Variants in JMJD1C observed in about 807,000 individuals in gnomAD.
JMJD1C encodes the protein jumonji domain containing 1C.
JMJD1C carries 31 observed loss-of-function variants against 245.3 expected under a neutral mutation model. That is an observed-to-expected ratio of 0.13 (90% CI 0.09 to 0.17). The LOEUF is 0.17. Among genes scored for constraint, JMJD1C ranks in the 10% least tolerant of loss-of-function variants. The pLI is 1.00. For missense variants in JMJD1C, 2,691 were observed against 3,000.2 expected (o/e 0.90, Z 2.41); for synonymous variants, 1,057 against 1,017.4 (o/e 1.04, Z -0.74).
chr10:63,423,847 A>G (rs1950272557), intron 1 of JMJD1C, among the ~76,000 whole-genome samples: 1 of 152,182 alleles, frequency 6.6e-6, no homozygotes, highest in Non-Finnish European at 1.5e-5. Flanking sequence ...TTATAGTCAT[A>G]TTAGTAAGTT....
At chr10:63,417,164 A>G (rs1342532960) in intron 1 of JMJD1C, among the ~76,000 whole-genome samples, 1 of 152,212 alleles carries the variant, frequency 6.6e-6, no homozygotes, top group Non-Finnish European at 1.5e-5. Flanking sequence ...AATATTTCAC[A>G]GCCTACAACT....
chr10:63,449,051 A>ATT (rs1951876569), intron 1 of JMJD1C, among the ~76,000 whole-genome samples: 2 of 152,214 alleles, frequency 1.3e-5, no homozygotes, highest in African/African-American at 4.8e-5. Flanking sequence ...CAGGAGGCAG[A>ATT]GGCTGCAGTG....
intron 1 of JMJD1C, among the ~76,000 whole-genome samples, chr10:63,406,630 ATTT>A (rs1465235250): frequency 6.6e-6 from 1 of 151,674 alleles, no homozygotes; most frequent in Non-Finnish European, 1.5e-5. Context: ...CCAACACTAG[ATTT>A]TTTTTTAAGC....
At chr10:63,373,311 TAGAA>T (rs1946457944) in intron 2 of JMJD1C, among the ~76,000 whole-genome samples, 1 of 152,186 alleles carries the variant, frequency 6.6e-6, no homozygotes, top group African/African-American at 2.4e-5. Context: ...ACTGATATCC[TAGAA>T]AGAAAGAGGA....
At chr10:63,429,075 G>A (rs1170963970) in intron 1 of JMJD1C, among the ~76,000 whole-genome samples, 1 of 152,100 alleles carries the variant, frequency 6.6e-6, no homozygotes, top group Non-Finnish European at 1.5e-5. Context: ...CTACCTCCCG[G>A]GTTCAAGAGA....
intron 17 of JMJD1C, 27 bp from the exon 18 acceptor site, chr10:63,189,473 A>C (rs779329145): frequency 1.9e-6 from 3 of 1,566,790 alleles, no homozygotes; most frequent in African/African-American, 2.8e-5. Flanking sequence ...AAAACAAAAA[A>C]AACCTGTTTT....
intron 2 of JMJD1C, among the ~76,000 whole-genome samples, chr10:63,280,559 A>AT (rs1224569691): frequency 1.3e-5 from 2 of 152,148 alleles, no homozygotes; most frequent in Non-Finnish European, 2.9e-5. Flanking sequence ...TCAAAAAAAA[A>AT]AGATTCTGAA....
At chr10:63,202,433 T>C in intron 10 of JMJD1C, 1 of 985,468 alleles carries the variant, frequency 1.0e-6, no homozygotes. Context: ...TTGTGTTTTC[T>C]AATCATGCCC....
At chr10:63,498,745 C>A (rs372415306) in intron 1 of JMJD1C, among the ~76,000 whole-genome samples, 1 of 152,030 alleles carries the variant, frequency 6.6e-6, no homozygotes, top group African/African-American at 2.4e-5. Context: ...ATGAGATCTA[C>A]CTTCTTAACA....
intron 1 of JMJD1C, among the ~76,000 whole-genome samples, chr10:63,383,529 T>C (rs1032627974): frequency 1.3e-5 from 2 of 151,892 alleles, no homozygotes; most frequent in Non-Finnish European, 2.9e-5. Flanking sequence ...TAAGACCTTG[T>C]CTCTACAAAA....
Position 63,480,247 on chromosome 10 carries a change from A to C in JMJD1C, n.113+41491T>G, listed in dbSNP as rs77761710. ...TGACCTACAAAGCCCATCTTTTGCA[A>C]CCCTGTGCGGGTCTCCTAAATACAT... On this transcript the variant is annotated intron_variant and non_coding_transcript_variant, in intron 1 of 3. Coordinates refer to the JMJD1C transcript ENST00000633035. Among the ~76,000 whole-genome samples the C allele has an allele frequency of 8.4e-3, 1,275 of 152,108 alleles. 43 individuals carry two copies. Among genetic ancestry groups the C allele is most frequent in the East Asian group, 0.038 (196 of 5,174 alleles).
chr10:63,315,795 G>A (rs1180508827), intron 2 of JMJD1C, among the ~76,000 whole-genome samples: 1 of 146,766 alleles, frequency 6.8e-6, no homozygotes, highest in African/African-American at 2.6e-5. Context: ...ACCCAAGATT[G>A]CGCCACTGCA....
intron 1 of JMJD1C, among the ~76,000 whole-genome samples, chr10:63,394,925 A>G (rs1948369923): frequency 6.6e-6 from 1 of 152,150 alleles, no homozygotes; most frequent in Non-Finnish European, 1.5e-5. Context: ...AAAAAAATGA[A>G]AACAAGCCAC....
intron 18 of JMJD1C, among the ~76,000 whole-genome samples, chr10:63,187,496 G>A (rs1366322738): frequency 1.3e-5 from 2 of 152,054 alleles, no homozygotes; most frequent in Non-Finnish European, 2.9e-5. Context: ...GAAGTGCAGT[G>A]GCATGATCAT....
At chr10:63,488,958 G>A (rs182906170) in intron 1 of JMJD1C, among the ~76,000 whole-genome samples, 13 of 152,298 alleles carry the variant, frequency 8.5e-5, no homozygotes, top group Non-Finnish European at 1.2e-4. Context: ...CATATAGGAC[G>A]ATGGTCCCAT....
intron 2 of JMJD1C, among the ~76,000 whole-genome samples, chr10:63,305,512 C>CCTCTCTCT (rs71025151): frequency 6.9e-5 from 9 of 130,638 alleles, no homozygotes; most frequent in East Asian, 4.6e-4. Flanking sequence ...AAGGTCTGAC[C>CCTCTCTCT]CTCTCTCTCT....
In JMJD1C at chr10:63,193,930, T is replaced by TG. The variant is rs528919929; in HGVS notation, c.5734+355dup. On this transcript the variant is annotated intron_variant, in intron 14 of 25. Coordinates refer to ENST00000399262, the MANE Select transcript of JMJD1C (RefSeq NM_032776.3). ...ATCCGCCGGCCTTGGCCTCCCAAAA[T>TG]GCTGGGATTACAGGCGTGAGCCACT... 1.2e-4 allele frequency among the ~76,000 whole-genome samples: 19 copies of TG among 152,394 alleles called. 1 individual carries two copies. In the East Asian group the frequency reaches 3.7e-3, roughly 29 times the overall value.
intron 3 of JMJD1C, among the ~76,000 whole-genome samples, chr10:63,244,387 T>C (rs1327745949): frequency 1.3e-5 from 2 of 152,120 alleles, no homozygotes; most frequent in Non-Finnish European, 2.9e-5. Context: ...AGCAAACTAC[T>C]GGGGAAAACA....
intron 1 of JMJD1C, among the ~76,000 whole-genome samples, chr10:63,488,957 C>A (rs570520668): frequency 6.6e-6 from 1 of 152,248 alleles, no homozygotes; most frequent in East Asian, 1.9e-4. Flanking sequence ...GCATATAGGA[C>A]GATGGTCCCA....
Sources: allele counts gnomAD v4.1 joint callset (sites outside exome capture counted in the v4.1 genomes callset), GRCh38; gene constraint gnomAD v4.1.1; transcripts MANE v1.5; gene names NCBI Gene and HGNC (gene_info 2026-07-23, HGNC 2026-07-21).